Variants in KIF6 observed in about 807,000 individuals in gnomAD.
KIF6 encodes kinesin-like protein KIF6.
A neutral mutation model predicts 112.7 loss-of-function variants in KIF6; 106 were observed. The observed-to-expected ratio is 0.94, with a 90% CI of 0.80 to 1.11. The LOEUF (loss-of-function observed/expected upper bound fraction) is 1.11. Ranked by LOEUF, KIF6 falls within the 50% of genes least tolerant of loss-of-function variation. The pLI is 0.00. For synonymous variants in KIF6, 339 were observed against 339.9 expected (o/e 1.00, Z 0.03); for missense variants, 929 against 964.0 (o/e 0.96, Z 0.48).
intron 13 of KIF6, among the ~76,000 whole-genome samples, chr6:39,453,230 C>T (rs1486268618): frequency 6.6e-6 from 1 of 152,156 alleles, no homozygotes; most frequent in East Asian, 1.9e-4. Context: ...TTGTCAGCTG[C>T]AAGAGTAGTA....
intron 13 of KIF6, among the ~76,000 whole-genome samples, chr6:39,516,299 GAT>G (rs894232710): frequency 6.7e-6 from 1 of 150,192 alleles, no homozygotes; most frequent in African/African-American, 2.4e-5. Flanking sequence ...TGTTTCAATG[GAT>G]ATATATATAA....
At chr6:39,486,224 A>G (rs1234308810) in intron 13 of KIF6, among the ~76,000 whole-genome samples, 1 of 152,204 alleles carries the variant, frequency 6.6e-6, no homozygotes, top group African/African-American at 2.4e-5. Flanking sequence ...GAAGACTAGC[A>G]ATTTCCATTT....
chr6:39,390,031 CAAAAAAAAAAAAA>C (rs943420819), intron 15 of KIF6, among the ~76,000 whole-genome samples: 1 of 43,558 alleles, frequency 2.3e-5, no homozygotes, highest in Non-Finnish European at 4.6e-5. Context: ...ACTCTGTCTC[CAAAAAAAAAAAAA>C]AAAAAAAAGG....
chr6:39,420,931 A>G lies in KIF6; in HGVS notation c.1755-928T>C, dbSNP rs1413402054. ...AGTGATTCCTTTATGTTTCTGGCCT[A>G]TGTTTGAGACACCCACGATGAGCCA... On this transcript the variant is annotated intron_variant, in intron 14 of 22. Coordinates refer to ENST00000287152, the MANE Select transcript of KIF6 (RefSeq NM_145027.6). 2.6e-5 allele frequency among the ~76,000 whole-genome samples: 4 copies of G among 152,168 alleles called. No homozygotes were observed. In the South Asian group the frequency reaches 6.2e-4, roughly 24 times the overall value.
At chr6:39,358,652 A>G (rs1764898932) in intron 18 of KIF6, among the ~76,000 whole-genome samples, 1 of 152,210 alleles carries the variant, frequency 6.6e-6, no homozygotes, top group Non-Finnish European at 1.5e-5. Flanking sequence ...ACTTGCCAGG[A>G]AGGGCTCTTA....
At chr6:39,504,462 C>T (rs1014886171) in intron 13 of KIF6, among the ~76,000 whole-genome samples, 5 of 152,162 alleles carry the variant, frequency 3.3e-5, no homozygotes, top group African/African-American at 9.7e-5. Context: ...CCTCTGTCAC[C>T]ACTCCTATTC....
chr6:39,392,918 T>G (rs1460101611), intron 15 of KIF6, among the ~76,000 whole-genome samples: 1 of 152,200 alleles, frequency 6.6e-6, no homozygotes, highest in Admixed American at 6.5e-5. Flanking sequence ...ATATAAGCCC[T>G]TGGGTTGAAA....
intron 6 of KIF6, among the ~76,000 whole-genome samples, chr6:39,597,583 T>G (rs921679584): frequency 2.0e-5 from 3 of 152,112 alleles, no homozygotes; most frequent in Non-Finnish European, 4.4e-5. Flanking sequence ...AAAAATAAAC[T>G]TAGATTGCTT....
At chr6:39,407,992 A>G (rs919095820) in intron 15 of KIF6, among the ~76,000 whole-genome samples, 2 of 152,218 alleles carry the variant, frequency 1.3e-5, no homozygotes, top group Non-Finnish European at 2.9e-5. Flanking sequence ...CAAGTGACAG[A>G]CTGGAAGAAA....
intron 6 of KIF6, among the ~76,000 whole-genome samples, chr6:39,599,093 A>G (rs1489914122): frequency 6.6e-6 from 1 of 152,180 alleles, no homozygotes; most frequent in Non-Finnish European, 1.5e-5. Context: ...CAAATCCTGG[A>G]TTGGAAAACA....
At chr6:39,693,091 T>C (rs1243855900) in intron 3 of KIF6, among the ~76,000 whole-genome samples, 1 of 152,218 alleles carries the variant, frequency 6.6e-6, no homozygotes, top group Non-Finnish European at 1.5e-5. Flanking sequence ...CAGATCAATG[T>C]ACGCATATGC....
At chr6:39,366,897 T>C (rs1765600233) in intron 16 of KIF6, among the ~76,000 whole-genome samples, 1 of 152,072 alleles carries the variant, frequency 6.6e-6, no homozygotes, top group African/African-American at 2.4e-5. Context: ...TGAGCATTTT[T>C]TTTTTTTTTG....
At chr6:39,612,686 C>G (rs897397930) in intron 6 of KIF6, among the ~76,000 whole-genome samples, 2 of 152,172 alleles carry the variant, frequency 1.3e-5, no homozygotes, top group Non-Finnish European at 1.5e-5. Context: ...TCCCTATGTT[C>G]AATGCATTGT....
chr6:39,534,462 G>C (rs542416530), intron 13 of KIF6, among the ~76,000 whole-genome samples: 2 of 152,306 alleles, frequency 1.3e-5, no homozygotes, highest in South Asian at 4.1e-4. Flanking sequence ...AAGAGTATCA[G>C]TGATGGAAGA....
chr6:39,468,397 A>C (rs1440749822), intron 13 of KIF6, among the ~76,000 whole-genome samples: 1 of 152,202 alleles, frequency 6.6e-6, no homozygotes, highest in African/African-American at 2.4e-5. Context: ...AAGTAGGATC[A>C]ATACAAAGAG....
At chr6:39,650,051 T>C (rs902075078) in intron 3 of KIF6, among the ~76,000 whole-genome samples, 2 of 152,174 alleles carry the variant, frequency 1.3e-5, no homozygotes, top group African/African-American at 2.4e-5. Flanking sequence ...AGGGGCTAAG[T>C]AAGGGGATCT....
At chr6:39,568,454 T>C (rs558403379) in intron 10 of KIF6, among the ~76,000 whole-genome samples, 8 of 152,190 alleles carry the variant, frequency 5.3e-5, no homozygotes, top group Non-Finnish European at 8.8e-5. Context: ...GGAGGGGTTC[T>C]GAATAGTGAG....
intron 11 of KIF6, among the ~76,000 whole-genome samples, chr6:39,545,186 T>C (rs1455914163): frequency 2.6e-5 from 4 of 152,194 alleles, no homozygotes; most frequent in Non-Finnish European, 4.4e-5. Flanking sequence ...GTAAAAGTGA[T>C]TATATTCCCA....
intron 3 of KIF6, among the ~76,000 whole-genome samples, chr6:39,712,616 G>A (rs781124072): frequency 2.0e-5 from 3 of 152,122 alleles, no homozygotes; most frequent in Non-Finnish European, 4.4e-5. Flanking sequence ...TCTAATCCTA[G>A]CACTTTGGGA....
Sources: gnomAD v4.1 joint callset for allele counts (sites outside exome capture counted in the v4.1 genomes callset) on GRCh38, gnomAD v4.1.1 for gene constraint, MANE v1.5 for transcripts, NCBI Gene and HGNC (gene_info 2026-07-23, HGNC 2026-07-21) for gene names.